The following PLCD1 variants were observed in gnomAD, a reference collection of about 807,000 sequenced individuals.
PLCD1 encodes 1-phosphatidylinositol 4,5-bisphosphate phosphodiesterase delta-1.
Under a neutral mutation model 87.4 loss-of-function variants are expected in PLCD1, and 71 were observed. That is an observed-to-expected ratio of 0.81 (90% CI 0.67 to 0.99). The LOEUF (loss-of-function observed/expected upper bound fraction) is 0.99, where lower values mean the gene tolerates loss of function less well. Among genes scored for constraint, PLCD1 ranks in the 50% least tolerant of loss-of-function variants. The pLI is 0.00. For synonymous variants in PLCD1, 348 were observed against 399.2 expected (o/e 0.87, Z 1.53); for missense variants, 867 against 1,001.5 (o/e 0.87, Z 1.81).
In PLCD1 at chr3:38,010,279, C is replaced by G; in HGVS notation, c.993-4G>C. ...TCGGCAGCCTTTGCACAGTGCCCTG[C>G]GGGGAGGGTGGTGGCTAGGACCCTC... On this transcript the variant is annotated splice_polypyrimidine_tract_variant and splice_region_variant and intron_variant, in intron 6 of 14. Transcript: ENST00000334661. 1 of 1,614,190 alleles carries G rather than the reference C, an allele frequency of 6.2e-7. No homozygotes were observed.
intron 1 of PLCD1, chr3:38,024,677 G>A (rs1700286118): frequency 6.6e-7 from 1 of 1,506,904 alleles, no homozygotes; most frequent in Non-Finnish European, 8.9e-7. Flanking sequence ...AGGAGGCGGA[G>A]CTAGTCCACG....
At chr3:38,010,640 G>A (rs1015584361) in intron 5 of PLCD1, 78 bp from the exon 6 acceptor site, 37 of 1,241,136 alleles carry the variant, frequency 3.0e-5, no homozygotes, top group Non-Finnish European at 4.1e-5. Flanking sequence ...CTGGACAGAG[G>A]AGCCCTCTGA....
Position 38,007,713 on chromosome 3 carries a change from C to A in PLCD1, c.*60G>T, listed in dbSNP as rs1250422898. 1 of 1,282,926 alleles carries A rather than the reference C, an allele frequency of 7.8e-7. No individual in the cohort carries two copies. The highest frequency in any genetic ancestry group is 1.5e-5 in the African/African-American group (1 of 68,416). 79.5% of individuals were successfully genotyped at this position (1,282,926 alleles called of 1,614,324 possible). ...CTGGGAGCAGCCACACCAGCCCTGT[C>A]CCCACATGTGGACAGAGGGCCCAGC... is the stretch of plus-strand genomic sequence containing the variant. On this transcript the variant is annotated 3_prime_UTR_variant, in exon 15 of 15. Transcript: ENST00000334661.
intron 14 of PLCD1, 24 bp from the exon 15 acceptor site, chr3:38,007,882 G>A: frequency 6.2e-7 from 1 of 1,609,750 alleles, no homozygotes; most frequent in Non-Finnish European, 8.5e-7. Flanking sequence ...AGGCAGGAGG[G>A]AACACAGAGA....
intron 2 of PLCD1, among the ~76,000 whole-genome samples, chr3:38,019,798 C>T (rs1342866456): frequency 1.3e-5 from 2 of 152,296 alleles, no homozygotes; most frequent in Non-Finnish European, 2.9e-5. Flanking sequence ...CACTCAACCC[C>T]GGAAGTACCT....
At chr3:38,012,878 T>C (rs1227427496) in intron 3 of PLCD1, among the ~76,000 whole-genome samples, 1 of 151,312 alleles carries the variant, frequency 6.6e-6, no homozygotes, top group African/African-American at 2.4e-5. Context: ...TGCATTTTCC[T>C]CCTAATATTT....
chr3:38,010,340 C>T, intron 6 of PLCD1, 21 bp downstream of exon 6: 3 of 1,614,176 alleles, frequency 1.9e-6, no homozygotes, highest in East Asian at 2.2e-5. Context: ...GACTCCCGAC[C>T]CAAGGCTCCC....
In PLCD1 at chr3:38,023,930, T is replaced by C. The variant is rs193281143; in HGVS notation, c.35-3578A>G. On this transcript the variant is annotated intron_variant, in intron 1 of 14. Transcript: ENST00000334661. ...ACTACTCAGTCGGCACTGGGTCCCA[T>C]ACTAGATCACCACTGTCACACCCAT... is the stretch of plus-strand genomic sequence containing the variant. 2.4e-4 allele frequency among the ~76,000 whole-genome samples: 35 copies of C among 147,976 alleles called. No individual in the cohort carries two copies. The East Asian group carries it at 6.5e-3, about 28-fold the overall frequency.
chr3:38,022,549 G>A (rs1700250554), intron 1 of PLCD1, among the ~76,000 whole-genome samples: 1 of 152,210 alleles, frequency 6.6e-6, no homozygotes, highest in African/African-American at 2.4e-5. Context: ...CCACCCTCCT[G>A]TTCTGGAAAA....
intron 1 of PLCD1, among the ~76,000 whole-genome samples, chr3:38,022,141 C>T (rs771766970): frequency 1.3e-5 from 2 of 152,226 alleles, no homozygotes; most frequent in Non-Finnish European, 2.9e-5. Context: ...GGGTGACAGT[C>T]TGATGTGACC....
chr3:38,025,588 T>TAATCCCCAAG lies in PLCD1; in HGVS notation c.34+3917_34+3918insCTTGGGGATT, dbSNP rs1700300714. ...ACCACCAAAGTGATAATCCCCAAGG[T>TAATCCCCAAG]GACGGATGCAAACGAAATTCTTGAA... On this transcript the variant is annotated intron_variant, in intron 1 of 14. Coordinates refer to ENST00000334661, the MANE Select transcript of PLCD1 (RefSeq NM_006225.4). The surrounding 1 kb of genome is among the most constrained non-coding windows in gnomAD (Gnocchi z 4.0). 6.6e-6 allele frequency among the ~76,000 whole-genome samples: 1 copy of TAATCCCCAAG among 152,246 alleles called. No individual in the cohort carries two copies.
chr3:38,018,774 C>T lies in PLCD1; in HGVS notation c.199+1414G>A, dbSNP rs919150812. ...GAGCCCCATGAAGGAGCCTGTCTGGCGCCACAGAGAAAAGGTCAGGCGGTC... is the reference window on the plus strand; with the variant it reads ...GAGCCCCATGAAGGAGCCTGTCTGGTGCCACAGAGAAAAGGTCAGGCGGTC... On this transcript the variant is annotated intron_variant, in intron 2 of 14. Transcript: ENST00000334661. The surrounding 1 kb of genome is among the most constrained non-coding windows in gnomAD (Gnocchi z 5.7). Among the ~76,000 whole-genome samples, 1 of 152,144 alleles carries T rather than the reference C, an allele frequency of 6.6e-6. No homozygotes were observed. Among genetic ancestry groups the T allele is most frequent in the Non-Finnish European group, 1.5e-5 (1 of 68,010 alleles).
intron 1 of PLCD1, chr3:38,024,169 C>T (rs924626328): frequency 1.7e-5 from 11 of 634,134 alleles, no homozygotes; most frequent in Admixed American, 2.9e-5. Context: ...GACGTGCTAC[C>T]ACTGCAAACA....
Position 38,011,398 on chromosome 3 carries a change from C to G in PLCD1, c.606G>C (p.Glu202Asp), listed in dbSNP as rs376449831. 28 of 1,613,800 alleles carry G rather than the reference C, an allele frequency of 1.7e-5. No individual in the cohort carries two copies. Among genetic ancestry groups the G allele is most frequent in the Non-Finnish European group, 2.3e-5 (27 of 1,180,030 alleles). ...GCTGGGTCAGCATCTTGTAGAAGGC[C>G]TCAATCTCCTCGTCCTCCAGGGAGT... ...QTDSLEDEEI[E>D]AFYKMLTQRV... The change falls in exon 5 of 15, where the codon GAG (glutamate) becomes GAC (aspartate). Residue 202 changes from glutamate to aspartate, a missense_variant. Coordinates refer to ENST00000334661, the MANE Select transcript of PLCD1 (RefSeq NM_006225.4).
chr3:38,020,857 A>G lies in PLCD1; in HGVS notation c.35-505T>C, dbSNP rs112304283. Among the ~76,000 whole-genome samples, 309 of 152,296 alleles carry G rather than the reference A, an allele frequency of 2.0e-3. 3 individuals are homozygous for G. The highest frequency in any genetic ancestry group is 6.4e-3 in the African/African-American group (268 of 41,570). On this transcript the variant is annotated intron_variant, in intron 1 of 14. Coordinates refer to ENST00000334661, the MANE Select transcript of PLCD1 (RefSeq NM_006225.4). ...TGGACCCCAGAGCGTCATGGAGCCA[A>G]ACAACGTCCCAACTCCAATAGCTCC...
intron 2 of PLCD1, among the ~76,000 whole-genome samples, 173 bp from the exon 3 acceptor site, chr3:38,016,892 G>A (rs747463794): frequency 1.2e-4 from 19 of 152,200 alleles, no homozygotes; most frequent in Non-Finnish European, 2.2e-4. Flanking sequence ...GGTTGGACAA[G>A]TGGGGGACAA....
At chr3:38,010,591 G>C (rs1342983987) in intron 5 of PLCD1, 29 bp from the exon 6 acceptor site, 2 of 1,593,246 alleles carry the variant, frequency 1.3e-6, no homozygotes, top group Non-Finnish European at 1.7e-6. Context: ...CTGCCCGTCA[G>C]AGCCAGCCTC....
chr3:38,013,363 C>T (rs1700111450), intron 3 of PLCD1, among the ~76,000 whole-genome samples: 1 of 151,976 alleles, frequency 6.6e-6, no homozygotes. Flanking sequence ...CAGGCGCCCA[C>T]CACCACGCCC....
At position 38,011,240 on chromosome 3, in the gene PLCD1, A is replaced by G. The variant is rs757283793; in HGVS notation, c.764T>C (p.Ile255Thr). ...AAGPALALSL[I>T]ERYEPSETAK... ...AGTCTCGCTGGGCTCGTAGCGCTCA[A>G]TGAGGGAGAGGGCCAGCGCAGGCCC... Residue 255 changes from isoleucine (I) to threonine (T), a missense_variant, in exon 5 of 15, where the codon ATT becomes ACT. Transcript: ENST00000334661. 3.5e-5 allele frequency: 56 copies of G among 1,610,596 alleles called. No individual in the cohort carries two copies. The highest frequency in any genetic ancestry group is 2.0e-4 in the South Asian group (18 of 90,982).
Sources: gnomAD v4.1 joint callset for allele counts (sites outside exome capture counted in the v4.1 genomes callset) on GRCh38, gnomAD v4.1.1 for gene constraint, Gnocchi (gnomAD v3.1) non-coding constraint, MANE v1.5 for transcripts, NCBI Gene and HGNC (gene_info 2026-07-23, HGNC 2026-07-21) for gene names.